Variants in P3H2 observed in about 807,000 individuals in gnomAD.
The protein encoded by P3H2 is leprecan-like 1.
P3H2 carries 80 observed loss-of-function variants against 87.0 expected under a neutral mutation model. The observed-to-expected ratio is 0.92, with a 90% CI of 0.77 to 1.11. The LOEUF (loss-of-function observed/expected upper bound fraction) is 1.11, where lower values mean the gene tolerates loss of function less well. Among genes scored for constraint, P3H2 ranks in the 50% least tolerant of loss-of-function variants. P3H2 has a pLI of 0.00. For missense variants in P3H2, 1,001 were observed against 923.9 expected (o/e 1.08, Z -1.08); for synonymous variants, 367 against 359.3 (o/e 1.02, Z -0.24).
At chr3:190,041,284 A>C (rs1725626310) in intron 1 of P3H2, among the ~76,000 whole-genome samples, 1 of 147,810 alleles carries the variant, frequency 6.8e-6, no homozygotes. Flanking sequence ...TAAAAAAAAA[A>C]AAAAAAAAAA....
chr3:189,995,409 G>C lies in P3H2; in HGVS notation c.514C>G (p.His172Asp), dbSNP rs1560354033. ...NQLEKAVEAA[H>D]TFFVANPEHM... is the part of the protein sequence containing the mutation. ...TCAGGGTTAGCCACGAAAAATGTGT[G>C]AGCTGCTTCCACTGCTTTTTCGAGC... The change falls in exon 2 of 15, where the codon CAC (histidine) becomes GAC (aspartate). Residue 172 changes from histidine (H) to aspartate (D), a missense_variant. Transcript: ENST00000319332. 1 of 1,613,894 alleles carries C rather than the reference G, an allele frequency of 6.2e-7. No homozygotes were observed.
chr3:190,027,312 C>G (rs893532006), intron 1 of P3H2, among the ~76,000 whole-genome samples: 1 of 152,204 alleles, frequency 6.6e-6, no homozygotes, highest in Non-Finnish European at 1.5e-5. Flanking sequence ...GTAAACACAT[C>G]TTGTGGCATT....
At chr3:189,986,689 C>T in intron 6 of P3H2, 99 bp downstream of exon 6, 1 of 866,502 alleles carries the variant, frequency 1.2e-6, no homozygotes, top group Admixed American at 1.9e-5. Flanking sequence ...GAAATCTTAG[C>T]TTTTTGAGGT....
At chr3:190,093,112 A>G (rs1352809382) in intron 1 of P3H2, among the ~76,000 whole-genome samples, 1 of 152,216 alleles carries the variant, frequency 6.6e-6, no homozygotes, top group Non-Finnish European at 1.5e-5. Context: ...AGTAGAAATA[A>G]TTCTGACATC....
intron 8 of P3H2, among the ~76,000 whole-genome samples, chr3:189,980,665 G>A (rs774824114): frequency 1.3e-5 from 2 of 152,156 alleles, no homozygotes; most frequent in Admixed American, 6.5e-5. Flanking sequence ...CTGACGACTG[G>A]ACAACAGGCT....
At chr3:189,997,210 T>C (rs1560354856) in intron 1 of P3H2, among the ~76,000 whole-genome samples, 1 of 152,078 alleles carries the variant, frequency 6.6e-6, no homozygotes, top group East Asian at 1.9e-4. Flanking sequence ...TTAGTAGAGA[T>C]GGGGTTTCAC....
chr3:190,062,050 C>T (rs185977868), intron 1 of P3H2, among the ~76,000 whole-genome samples: 15 of 152,206 alleles, frequency 9.9e-5, no homozygotes, highest in Non-Finnish European at 1.3e-4. Context: ...CTTTTCCAAC[C>T]TTAGCTTACT....
At chr3:190,065,735 AT>A (rs1417202097) in intron 1 of P3H2, among the ~76,000 whole-genome samples, 1 of 152,140 alleles carries the variant, frequency 6.6e-6, no homozygotes, top group East Asian at 1.9e-4. Flanking sequence ...TAAGTAAACC[AT>A]TCTGGGCTAC....
intron 4 of P3H2, among the ~76,000 whole-genome samples, chr3:189,988,447 C>T (rs1050216441): frequency 2.0e-4 from 30 of 150,994 alleles, no homozygotes; most frequent in African/African-American, 4.2e-4. Flanking sequence ...CACACACACA[C>T]ATATATATAT....
chr3:190,011,487 C>A (rs777742194), intron 1 of P3H2, among the ~76,000 whole-genome samples: 3 of 152,224 alleles, frequency 2.0e-5, no homozygotes, highest in Non-Finnish European at 2.9e-5. Context: ...AGCATCTCCA[C>A]TTATTTTATT....
intron 1 of P3H2, among the ~76,000 whole-genome samples, chr3:190,079,346 A>G (rs1029648974): frequency 9.2e-5 from 8 of 87,330 alleles, no homozygotes; most frequent in Non-Finnish European, 1.5e-4. Flanking sequence ...CTCAAAAAAT[A>G]AATAAATAAA....
chr3:190,023,028 G>A (rs540382569), intron 1 of P3H2, among the ~76,000 whole-genome samples: 57 of 149,758 alleles, frequency 3.8e-4, no homozygotes, highest in Non-Finnish European at 6.5e-4. Context: ...GTGTTTCACC[G>A]TGTTAGCCAG....
chr3:189,963,525 A>G, intron 14 of P3H2: 1 of 198,616 alleles, frequency 5.0e-6, no homozygotes, highest in Non-Finnish European at 1.1e-5. Flanking sequence ...GCTTACTGCA[A>G]TTTACGCCTC....
intron 8 of P3H2, among the ~76,000 whole-genome samples, chr3:189,976,446 A>G (rs1723351608): frequency 6.6e-6 from 1 of 152,140 alleles, no homozygotes; most frequent in Non-Finnish European, 1.5e-5. Context: ...CGTTTATAAA[A>G]CCATCAGATC....
intron 1 of P3H2, among the ~76,000 whole-genome samples, chr3:190,067,614 A>T (rs1004562121): frequency 4.6e-5 from 7 of 151,736 alleles, no homozygotes; most frequent in Non-Finnish European, 8.8e-5. Context: ...TCTCCTCTTC[A>T]CCTCCCCTCC....
intron 1 of P3H2, among the ~76,000 whole-genome samples, chr3:190,023,112 C>A (rs572955227): frequency 6.6e-6 from 1 of 152,270 alleles, no homozygotes; most frequent in South Asian, 2.1e-4. Context: ...AGGTGTGAGC[C>A]ACCACGCCCA....
intron 1 of P3H2, among the ~76,000 whole-genome samples, chr3:190,050,651 G>A (rs990996426): frequency 6.6e-6 from 1 of 152,058 alleles, no homozygotes; most frequent in Non-Finnish European, 1.5e-5. Flanking sequence ...GTATATATGA[G>A]TTTTTTGAGG....
At chr3:190,085,147 A>C (rs1727170623) in intron 1 of P3H2, among the ~76,000 whole-genome samples, 1 of 152,116 alleles carries the variant, frequency 6.6e-6, no homozygotes, top group Admixed American at 6.6e-5. Flanking sequence ...TTCTCAACCA[A>C]AGCACAGAGA....
intron 1 of P3H2, among the ~76,000 whole-genome samples, chr3:190,039,337 C>T (rs1276445970): frequency 7.6e-5 from 4 of 52,466 alleles, no homozygotes; most frequent in Non-Finnish European, 1.1e-4. Context: ...TAAATGAAAG[C>T]ACATATTCAA....
Sources: allele counts gnomAD v4.1 joint callset (sites outside exome capture counted in the v4.1 genomes callset), GRCh38; gene constraint gnomAD v4.1.1; transcripts MANE v1.5; gene names NCBI Gene and HGNC (gene_info 2026-07-23, HGNC 2026-07-21).